The following PPL variants were observed in gnomAD, a reference collection of about 807,000 sequenced individuals.
PPL encodes the protein periplakin.
Under a neutral mutation model 194.4 loss-of-function variants are expected in PPL, and 198 were observed. That is an observed-to-expected ratio of 1.02 (90% CI 0.91 to 1.15). The LOEUF (loss-of-function observed/expected upper bound fraction) is 1.15. Ranked by LOEUF, PPL falls within the 50% of genes most tolerant of loss-of-function variation. The pLI is 0.00. For synonymous variants in PPL, 1,220 were observed against 972.4 expected, an observed-to-expected ratio of 1.25 and a Z score of -4.74; for missense variants, 2,885 against 2,294.8, an observed-to-expected ratio of 1.26 and a Z score of -5.25.
In PPL at chr16:4,883,361, A is replaced by G; in HGVS notation, c.*23T>C. On this transcript the variant is annotated 3_prime_UTR_variant, in exon 22 of 22. Transcript: ENST00000345988. This position sits in a 1 kb window ranked among gnomAD's most constrained non-coding sequence, Gnocchi z 4.8. ...TAGGAGAGGGCCAGCGTCTGCCGTT[A>G]CGAAGAGTTGCAAGAGCTGTGCCTA... 1 of 1,612,830 alleles carries G rather than the reference A, an allele frequency of 6.2e-7. No homozygotes were observed. The highest frequency in any genetic ancestry group is 1.7e-5 in the Admixed American group (1 of 59,940).
intron 1 of PPL, among the ~76,000 whole-genome samples, chr16:4,920,319 A>G (rs1207419010): frequency 7.1e-5 from 5 of 70,320 alleles, no homozygotes; most frequent in African/African-American, 1.5e-4. Context: ...AGAAGGAAAG[A>G]AAAGAAAGAA....
chr16:4,885,953 T>G lies in PPL; in HGVS notation c.2702A>C (p.Glu901Ala). The change falls in exon 22 of 22, where the codon GAG becomes GCG. Residue 901 changes from glutamate to alanine, a missense_variant. Coordinates refer to ENST00000345988, the MANE Select transcript of PPL (RefSeq NM_002705.5). This position sits in a 1 kb window ranked among gnomAD's most constrained non-coding sequence, Gnocchi z 6.3. Reference sequence around the variant, plus strand: ...CAGCTGCCGCCTCCGCTCAGTCTCCTCATCCAGTTCCTTCCTGATCTTCCA... The same window carrying G: ...CAGCTGCCGCCTCCGCTCAGTCTCCGCATCCAGTTCCTTCCTGATCTTCCA... ...EAWKIRKELD[E>A]ETERRRQLEN... The G allele has an allele frequency of 6.2e-7, 1 of 1,613,670 alleles. No individual in the cohort carries two copies. Among genetic ancestry groups the G allele is most frequent in the Non-Finnish European group, 8.5e-7 (1 of 1,180,030 alleles).
chr16:4,900,637 T>C (rs950692925), intron 6 of PPL, among the ~76,000 whole-genome samples, 193 bp downstream of exon 6: 1 of 151,832 alleles, frequency 6.6e-6, no homozygotes, highest in African/African-American at 2.4e-5. Context: ...GGAGTCTCAC[T>C]ATGTTGCCCA....
At position 4,893,566 on chromosome 16, in the gene PPL, C is replaced by T. The variant is rs781129247; in HGVS notation, c.1467G>A (p.Glu489=). Residue 489 remains glutamate (E), a synonymous_variant, in exon 13 of 22, where the codon GAG becomes GAA. Coordinates refer to ENST00000345988, the MANE Select transcript of PPL (RefSeq NM_002705.5). ...CTCCGGGATTCTCGGTCTTCAGCACCTCATACCGCTGCTGCAGCGTGCGTT... is the reference window on the plus strand; with the variant it reads ...CTCCGGGATTCTCGGTCTTCAGCACTTCATACCGCTGCTGCAGCGTGCGTT... The part of the protein sequence containing the change: ...GSKRTLQQRY[E]VLKTENPGDA... The T allele has an allele frequency of 1.2e-5, 20 of 1,612,446 alleles. No homozygotes were observed. The highest frequency in any genetic ancestry group is 1.0e-4 in the Admixed American group (6 of 59,976).
rs2088810660 is a variant in PPL, at chr16:4,911,046, G to A, written c.63-97C>T. 2.7e-5 allele frequency: 26 copies of A among 963,576 alleles called. No homozygotes were observed. In the South Asian group the frequency reaches 3.0e-4, roughly 11 times the overall value. The allele number at this position is 963,576 out of a possible 1,614,324, so 59.7% of individuals were successfully genotyped here. A position where few individuals can be genotyped will look rare whatever the true frequency, so the allele number is the denominator to read the frequency against. On this transcript the variant is annotated intron_variant, in intron 1 of 21. Coordinates refer to ENST00000345988, the MANE Select transcript of PPL (RefSeq NM_002705.5). ...ATCCTCTGGCTGGCCCCGGCCCCAC[G>A]CTCTGAGCAGGAGCTGCCCACAGAG...
At chr16:4,915,385 T>C (rs905364817) in intron 1 of PPL, among the ~76,000 whole-genome samples, 1 of 152,260 alleles carries the variant, frequency 6.6e-6, no homozygotes, top group African/African-American at 2.4e-5. Flanking sequence ...CCATCTGTCC[T>C]CTGGCGATGA....
chr16:4,924,814 T>C (rs544695358), intron 1 of PPL, among the ~76,000 whole-genome samples: 61 of 150,376 alleles, frequency 4.1e-4, no homozygotes, highest in African/African-American at 1.4e-3. Context: ...CTCACAGCCA[T>C]CCCCTTCTCC....
At position 4,885,229 on chromosome 16, in the gene PPL, G is replaced by C; in HGVS notation, c.3426C>G (p.Ala1142=). Residue 1142 remains alanine (A), a synonymous_variant, in exon 22 of 22, where the codon GCC becomes GCG. Transcript: ENST00000345988. The surrounding 1 kb of genome is among the most constrained non-coding windows in gnomAD (Gnocchi z 6.3). ...DLTRQYEDEA[A]KARASQREKT... is the part of the protein sequence containing the mutation. Reference sequence around the variant, plus strand: ...TCTCCCTCTGGCTAGCGCGAGCCTTGGCAGCCTCGTCCTCATATTGGCGGG... The same window carrying C: ...TCTCCCTCTGGCTAGCGCGAGCCTTCGCAGCCTCGTCCTCATATTGGCGGG... The C allele has an allele frequency of 6.2e-7, 1 of 1,613,854 alleles. No individual in the cohort carries two copies. The highest frequency in any genetic ancestry group is 8.5e-7 in the Non-Finnish European group (1 of 1,180,032).
intron 16 of PPL, chr16:4,891,436 CTTTTTTTTT>C (rs57933525): frequency 8.9e-6 from 1 of 112,574 alleles, no homozygotes; most frequent in Non-Finnish European, 1.8e-5. Flanking sequence ...GTGCTTTATG[CTTTTTTTTT>C]TTTTTTTTTT....
chr16:4,925,157 G>A (rs2089133180), intron 1 of PPL, among the ~76,000 whole-genome samples: 1 of 152,232 alleles, frequency 6.6e-6, no homozygotes, highest in Admixed American at 6.5e-5. Context: ...CCTGGAACCA[G>A]CCTCACCTGT....
In PPL at chr16:4,910,877, G is replaced by A. The variant is rs766520779; in HGVS notation, c.135C>T (p.Ile45=). Reference sequence around the variant, plus strand: ...TCTGCATCTTGGCCTCTGTGTCCACGATGTTCTTCTCCACCTGGTCGGCAT... The same window carrying A: ...TCTGCATCTTGGCCTCTGTGTCCACAATGTTCTTCTCCACCTGGTCGGCAT... ...QKNADQVEKN[I]VDTEAKMQSD... Residue 45 remains isoleucine, a synonymous_variant, in exon 2 of 22, where the codon ATC becomes ATT. Coordinates refer to ENST00000345988, the MANE Select transcript of PPL (RefSeq NM_002705.5). 3.7e-6 allele frequency: 6 copies of A among 1,613,842 alleles called. No individual in the cohort carries two copies. The highest frequency in any genetic ancestry group is 2.7e-5 in the African/African-American group (2 of 74,926).
At chr16:4,904,788 G>C (rs914366143) in intron 2 of PPL, among the ~76,000 whole-genome samples, 4 of 152,150 alleles carry the variant, frequency 2.6e-5, no homozygotes, top group Non-Finnish European at 5.9e-5. Context: ...GCTCTGCAGA[G>C]AGGACAGCAA....
chr16:4,895,181 C>T (rs1446082059), intron 11 of PPL, 80 bp downstream of exon 11: 35 of 1,459,508 alleles, frequency 2.4e-5, no homozygotes, highest in South Asian at 2.8e-5. Flanking sequence ...CTCCTGAGAA[C>T]GGCGCCTGAG....
intron 1 of PPL, among the ~76,000 whole-genome samples, chr16:4,929,935 G>A (rs754753434): frequency 4.0e-5 from 6 of 150,764 alleles, no homozygotes; most frequent in Admixed American, 2.7e-4. Context: ...TCATCCTCCC[G>A]CCTTGGCCTC....
chr16:4,909,780 G>A (rs1172637620), intron 2 of PPL, among the ~76,000 whole-genome samples: 1 of 152,190 alleles, frequency 6.6e-6, no homozygotes, highest in African/African-American at 2.4e-5. Flanking sequence ...ATGAAATACA[G>A]ATCACCACTT....
At chr16:4,888,322 G>A (rs1274750176) in intron 19 of PPL, 104 bp from the exon 20 acceptor site, 4 of 762,634 alleles carry the variant, frequency 5.2e-6, no homozygotes, top group Non-Finnish European at 9.1e-6. Flanking sequence ...CCTGTGCCAT[G>A]TGCTGGTTTT....
chr16:4,889,963 T>C (rs1185038835), intron 18 of PPL, among the ~76,000 whole-genome samples: 2 of 152,228 alleles, frequency 1.3e-5, no homozygotes, highest in East Asian at 3.8e-4. Context: ...CACCAGGCCC[T>C]GTGCGGGGCA....
intron 1 of PPL, among the ~76,000 whole-genome samples, chr16:4,932,411 C>CTT (rs59920775): frequency 7.8e-5 from 11 of 140,820 alleles, no homozygotes; most frequent in Non-Finnish European, 9.4e-5. Flanking sequence ...AGTCATGAAT[C>CTT]TTTTTTTTTT....
intron 6 of PPL, among the ~76,000 whole-genome samples, chr16:4,899,738 A>C (rs2088518133): frequency 6.6e-6 from 1 of 152,256 alleles, no homozygotes; most frequent in Non-Finnish European, 1.5e-5. Flanking sequence ...TAAATGGGGA[A>C]GATGACAGTC....
Sources: allele counts gnomAD v4.1 joint callset (sites outside exome capture counted in the v4.1 genomes callset), GRCh38; gene constraint gnomAD v4.1.1; non-coding constraint Gnocchi (gnomAD v3.1); transcripts MANE v1.5; gene names NCBI Gene and HGNC (gene_info 2026-07-23, HGNC 2026-07-21).